SRSF11: variants seen among roughly 807,000 people sequenced by gnomAD.
SRSF11 encodes the protein serine and arginine rich splicing factor 11.
A neutral mutation model predicts 56.0 loss-of-function variants in SRSF11; 9 were observed. That is an observed-to-expected ratio of 0.16 (90% CI 0.10 to 0.28). The LOEUF is 0.28. Among genes scored for constraint, SRSF11 ranks in the 10% least tolerant of loss-of-function variants. SRSF11 has a pLI of 1.00. For missense variants in SRSF11, 421 were observed against 600.7 expected, an observed-to-expected ratio of 0.70 and a Z score of 3.13; for synonymous variants, 222 against 215.3, an observed-to-expected ratio of 1.03 and a Z score of -0.27.
At chr1:70,211,066 T>G (rs1669518841) in intron 1 of SRSF11, among the ~76,000 whole-genome samples, 1 of 152,176 alleles carries the variant, frequency 6.6e-6, no homozygotes, top group South Asian at 2.1e-4. Context: ...TGATTATTAC[T>G]CATAACCTTT....
At chr1:70,235,066 G>A (rs918794069) in intron 4 of SRSF11, among the ~76,000 whole-genome samples, 4 of 151,968 alleles carry the variant, frequency 2.6e-5, no homozygotes, top group Admixed American at 1.3e-4. Flanking sequence ...GAAAAGATAA[G>A]AATGTGGTTT....
At chr1:70,217,378 A>C (rs1439606680), upstream of SRSF11, among the ~76,000 whole-genome samples, 7 of 152,052 alleles carry the variant, frequency 4.6e-5, no homozygotes, top group African/African-American at 1.7e-4. Context: ...GGTTGGTCTC[A>C]ACTCCCGACC....
chr1:70,221,861 T>A (rs1350226761), intron 1 of SRSF11, 22 bp downstream of exon 1: 2 of 1,613,122 alleles, frequency 1.2e-6, no homozygotes, highest in African/African-American at 2.7e-5. Flanking sequence ...CCACCATCAC[T>A]GTTCCTGCTA....
At chr1:70,230,361 G>A (rs1672611095) in intron 2 of SRSF11, 2 of 1,071,004 alleles carry the variant, frequency 1.9e-6, no homozygotes, top group South Asian at 2.6e-5. Flanking sequence ...TTACACTTCG[G>A]TGTTAGCTCT....
chr1:70,235,306 C>CT lies in SRSF11; in HGVS notation c.541-194dup, dbSNP rs1673713700. ...GCTGCTCTATCCAATACTGTAGCTA[C>CT]TGATGTCACCGGTTTTTGTTTTGTT... On this transcript the variant is annotated intron_variant, in intron 4 of 11. Coordinates refer to ENST00000370949, the MANE Select transcript of SRSF11 (RefSeq NM_001350605.2). Among the ~76,000 whole-genome samples, 3 of 152,188 alleles carry CT rather than the reference C, an allele frequency of 2.0e-5. No homozygotes were observed. The East Asian group carries it at 5.8e-4, about 29-fold the overall frequency.
chr1:70,208,539 T>C (rs1669264453), intron 1 of SRSF11, among the ~76,000 whole-genome samples: 1 of 152,196 alleles, frequency 6.6e-6, no homozygotes, highest in African/African-American at 2.4e-5. Context: ...GGTTTCGCCA[T>C]GTTGGCCAGA....
intron 9 of SRSF11, chr1:70,247,133 C>G (rs925289968): frequency 1.9e-6 from 2 of 1,049,188 alleles, no homozygotes; most frequent in African/African-American, 3.3e-5. Context: ...TTTGAAGTAA[C>G]ATGGAATTCA....
intron 1 of SRSF11, among the ~76,000 whole-genome samples, chr1:70,213,246 G>A (rs959957907): frequency 3.9e-5 from 6 of 152,206 alleles, no homozygotes; most frequent in African/African-American, 1.4e-4. Flanking sequence ...ATTAGCTCAT[G>A]TGGCTAATTA....
At chr1:70,221,198 CAA>C (rs946540946), upstream of SRSF11, among the ~76,000 whole-genome samples, 3 of 145,354 alleles carry the variant, frequency 2.1e-5, no homozygotes, top group Admixed American at 1.4e-4. Flanking sequence ...TTCGCTCTTC[CAA>C]AAAAAAAAGA....
At chr1:70,235,235 A>G (rs987886822) in intron 4 of SRSF11, among the ~76,000 whole-genome samples, 1 of 152,188 alleles carries the variant, frequency 6.6e-6, no homozygotes, top group African/African-American at 2.4e-5. Context: ...ATAATTCTAT[A>G]ATACCTAGAC....
rs1407959587 is a variant in SRSF11 at position 70,252,802 on chromosome 1, A to C, written c.*1997A>C. The C allele has an allele frequency of 2.0e-5, 3 of 152,220 alleles. No individual in the cohort carries two copies. Among genetic ancestry groups the C allele is most frequent in the African/African-American group, 4.8e-5 (2 of 41,470 alleles). 9.4% of individuals were successfully genotyped at this position (152,220 alleles called of 1,614,324 possible). A position where few individuals can be genotyped will look rare whatever the true frequency, so the allele number is the denominator to read the frequency against. ...CCCTCACTTGTAATCTCTGAATACA[A>C]ATATACTAGCTTTTCTAAAGGGAAT... is the stretch of plus-strand genomic sequence containing the variant. On this transcript the variant is annotated 3_prime_UTR_variant, in exon 12 of 12. Coordinates refer to ENST00000370949, the MANE Select transcript of SRSF11 (RefSeq NM_001350605.2).
At chr1:70,216,295 G>C (rs1007756176) in intron 1 of SRSF11, among the ~76,000 whole-genome samples, 2 of 151,618 alleles carry the variant, frequency 1.3e-5, no homozygotes, top group Non-Finnish European at 2.9e-5. Context: ...TCAATGTAGT[G>C]GTTCCCTACG....
At chr1:70,206,328 C>G (rs1204244973) in intron 1 of SRSF11, among the ~76,000 whole-genome samples, 2 of 152,022 alleles carry the variant, frequency 1.3e-5, no homozygotes, top group East Asian at 3.9e-4. Context: ...AGGCAGTTTA[C>G]TCAACCGCTT....
intron 1 of SRSF11, among the ~76,000 whole-genome samples, chr1:70,222,136 C>T (rs1670787444): frequency 1.3e-5 from 2 of 152,090 alleles, no homozygotes; most frequent in Admixed American, 1.3e-4. Flanking sequence ...CAAGACTAAC[C>T]GCAGTCTGTA....
At chr1:70,210,702 G>A (rs1287375746) in intron 1 of SRSF11, among the ~76,000 whole-genome samples, 1 of 152,026 alleles carries the variant, frequency 6.6e-6, no homozygotes, top group Admixed American at 6.6e-5. Context: ...ACAACAGAGC[G>A]AGACCCTGTA....
Position 70,221,480 on chromosome 1 carries a change from G to A in SRSF11, c.-157G>A. On this transcript the variant is annotated 5_prime_UTR_variant, in exon 1 of 12. Coordinates refer to ENST00000370949, the MANE Select transcript of SRSF11 (RefSeq NM_001350605.2). ...CCCCCGCGGCGTGCGGCGGGGCGGA[G>A]AAACGGCGGCGGCGGCGGCGGCATC... 1 of 1,129,260 alleles carries A rather than the reference G, an allele frequency of 8.9e-7. No homozygotes were observed. The highest frequency in any genetic ancestry group is 1.2e-6 in the Non-Finnish European group (1 of 800,806). 70.0% of individuals were successfully genotyped at this position (1,129,260 alleles called of 1,614,324 possible).
chr1:70,246,759 A>G (rs1203322391), intron 8 of SRSF11, 59 bp from the exon 9 acceptor site: 2 of 1,066,268 alleles, frequency 1.9e-6, no homozygotes, highest in African/African-American at 1.6e-5. Flanking sequence ...TTGTAGTGCT[A>G]TATAAATTGG....
At chr1:70,245,479 A>G (rs1458567076) in intron 8 of SRSF11, among the ~76,000 whole-genome samples, 1 of 152,204 alleles carries the variant, frequency 6.6e-6, no homozygotes, top group Admixed American at 6.5e-5. Flanking sequence ...GAGTGAATCA[A>G]ACAAGGTAGA....
intron 1 of SRSF11, among the ~76,000 whole-genome samples, chr1:70,228,097 T>C (rs571169653): frequency 1.3e-5 from 2 of 152,290 alleles, no homozygotes; most frequent in South Asian, 4.2e-4. Context: ...TACCTGTATC[T>C]AAAAATAGCT....
Sources: allele counts gnomAD v4.1 joint callset (sites outside exome capture counted in the v4.1 genomes callset), GRCh38; gene constraint gnomAD v4.1.1; transcripts MANE v1.5; gene names NCBI Gene and HGNC (gene_info 2026-07-23, HGNC 2026-07-21).